Variants in GLIS3 observed in about 807,000 individuals in gnomAD.
GLIS3 encodes GLIS family zinc finger 3.
A neutral mutation model predicts 78.6 loss-of-function variants in GLIS3; 53 were observed. The observed-to-expected ratio is 0.67, with a 90% CI of 0.54 to 0.85. The LOEUF (loss-of-function observed/expected upper bound fraction) is 0.85, where lower values mean the gene tolerates loss of function less well. Ranked by LOEUF, GLIS3 falls within the 40% of genes least tolerant of loss-of-function variation. GLIS3 has a pLI of 0.00. For missense variants in GLIS3, 1,703 were observed against 1,231.1 expected, an observed-to-expected ratio of 1.38 and a Z score of -5.74; for synonymous variants, 684 against 509.9, an observed-to-expected ratio of 1.34 and a Z score of -4.60.
chr9:4,117,886 C>G lies in GLIS3; in HGVS notation c.1592G>C (p.Gly531Ala). 2 of 1,614,138 alleles carry G rather than the reference C, an allele frequency of 1.2e-6. No individual in the cohort carries two copies. Among genetic ancestry groups the G allele is most frequent in the Non-Finnish European group, 1.7e-6 (2 of 1,180,034 alleles). The change falls in exon 4 of 11, where the codon GGG becomes GCG. Residue 531 changes from glycine to alanine, a missense_variant. Transcript: ENST00000381971. ...IEKVHIDQRK[G>A]EDFTCFWAGC... ...GGCCCAGAAGCAAGTGAAGTCCTCC[C>G]CTTTGCGCTGGTCGATGTGGACCTT... is the stretch of plus-strand genomic sequence containing the variant.
chr9:4,153,560 T>C (rs1245737687), intron 2 of GLIS3, among the ~76,000 whole-genome samples: 2 of 152,174 alleles, frequency 1.3e-5, no homozygotes, highest in Non-Finnish European at 2.9e-5. Context: ...TGAGACTCTG[T>C]CTCAAAATAT....
intron 4 of GLIS3, among the ~76,000 whole-genome samples, chr9:4,033,228 C>G (rs764309105): frequency 6.6e-6 from 1 of 151,330 alleles, no homozygotes; most frequent in Non-Finnish European, 1.5e-5. Flanking sequence ...CCACACCTGA[C>G]TTGACCCTTT....
At chr9:4,375,692 G>A in the GLIS3 span, among the ~76,000 whole-genome samples, 16 of 152,288 alleles carry the variant, frequency 1.1e-4, no homozygotes, top group African/African-American at 3.6e-4. Context: ...ATTGTCTAGT[G>A]GCTTTTTAAA....
chr9:4,228,198 C>CAAA lies in GLIS3; in HGVS notation c.388+57837_388+57839dup, dbSNP rs59507597. ...ATTCATAAAGAGAAGTCTAAGGTGG[C>CAAA]AAAAAAAAAAAAAAAAAAAAGAAGA... is the stretch of plus-strand genomic sequence containing the variant. On this transcript the variant is annotated intron_variant, in intron 2 of 10. Transcript: ENST00000381971. 2.0e-3 allele frequency among the ~76,000 whole-genome samples: 216 copies of CAAA among 106,908 alleles called. 3 individuals carry two copies. Among genetic ancestry groups the CAAA allele is most frequent in the African/African-American group, 7.2e-3 (191 of 26,542 alleles). 70.1% of individuals were successfully genotyped at this position (106,908 alleles called of 152,430 possible).
rs148047819 is a variant in GLIS3, at chr9:4,061,794, C to T, written c.1710+55974G>A. On this transcript the variant is annotated intron_variant, in intron 4 of 10. Transcript: ENST00000381971. ...ATATTCTTTCTGCAAGCTTGTACTG[C>T]ACATACTCCCTGAAGAATTATGCAA... Among the ~76,000 whole-genome samples, 813 of 152,290 alleles carry T rather than the reference C, an allele frequency of 5.3e-3. 3 individuals are homozygous for T. Among genetic ancestry groups the T allele is most frequent in the Middle Eastern group, 0.01 (3 of 294 alleles).
the GLIS3 span, among the ~76,000 whole-genome samples, chr9:4,420,500 C>T: frequency 7.9e-5 from 12 of 152,156 alleles, no homozygotes; most frequent in African/African-American, 1.2e-4. Flanking sequence ...CACTTAGTAT[C>T]ACGTTAAGCA....
intron 2 of GLIS3, among the ~76,000 whole-genome samples, chr9:4,315,990 T>C (rs769266615): frequency 2.6e-5 from 4 of 152,220 alleles, no homozygotes; most frequent in Non-Finnish European, 5.9e-5. Flanking sequence ...AGCAGGATAT[T>C]ACATATTGTA....
chr9:4,140,280 C>T (rs1833712161), intron 2 of GLIS3, among the ~76,000 whole-genome samples: 1 of 152,130 alleles, frequency 6.6e-6, no homozygotes, highest in Non-Finnish European at 1.5e-5. Flanking sequence ...GCCAGGATGG[C>T]ACCACGGCAC....
intron 8 of GLIS3, among the ~76,000 whole-genome samples, chr9:3,870,026 TAAGACACGGAAAA>T (rs1397098531): frequency 6.6e-6 from 1 of 152,112 alleles, no homozygotes; most frequent in African/African-American, 2.4e-5. Flanking sequence ...AAGCCTGAAT[TAAGACACGGAAAA>T]AAGGAAACTA....
At chr9:4,277,898 G>C (rs1391038736) in intron 2 of GLIS3, among the ~76,000 whole-genome samples, 2 of 152,032 alleles carry the variant, frequency 1.3e-5, no homozygotes, top group African/African-American at 4.8e-5. Flanking sequence ...AATATAACCG[G>C]GATCCTTCAA....
At chr9:4,003,797 T>A (rs1457909746) in intron 4 of GLIS3, among the ~76,000 whole-genome samples, 1 of 152,224 alleles carries the variant, frequency 6.6e-6, no homozygotes, top group Admixed American at 6.5e-5. Context: ...TAAGTGTCAA[T>A]GAAGACAGAC....
At chr9:4,092,514 A>G (rs1829608100) in intron 4 of GLIS3, among the ~76,000 whole-genome samples, 1 of 152,076 alleles carries the variant, frequency 6.6e-6, no homozygotes, top group African/African-American at 2.4e-5. Flanking sequence ...TTATTTCCTT[A>G]TTGCATAAGC....
At chr9:4,238,104 C>G (rs1276107915) in intron 2 of GLIS3, among the ~76,000 whole-genome samples, 1 of 152,156 alleles carries the variant, frequency 6.6e-6, no homozygotes, top group South Asian at 2.1e-4. Context: ...CAGGAGTAAG[C>G]CTTTAGGACC....
chr9:3,908,790 C>T (rs576049152), intron 6 of GLIS3, among the ~76,000 whole-genome samples: 10 of 133,422 alleles, frequency 7.5e-5, no homozygotes, highest in South Asian at 4.7e-4. Flanking sequence ...ATTTTACTCC[C>T]GTCATTTTCT....
At chr9:4,135,606 T>G (rs537568020) in intron 2 of GLIS3, among the ~76,000 whole-genome samples, 1 of 152,302 alleles carries the variant, frequency 6.6e-6, no homozygotes, top group African/African-American at 2.4e-5. Context: ...ATATACATAT[T>G]CATTCTTATA....
intron 4 of GLIS3, among the ~76,000 whole-genome samples, chr9:4,070,186 T>A (rs1482091205): frequency 1.3e-5 from 2 of 152,178 alleles, no homozygotes; most frequent in Non-Finnish European, 2.9e-5. Flanking sequence ...CTTTATAGAA[T>A]AGTATTTCCG....
chr9:3,849,019 C>T (rs1280725222), intron 9 of GLIS3, among the ~76,000 whole-genome samples: 1 of 152,208 alleles, frequency 6.6e-6, no homozygotes, highest in Non-Finnish European at 1.5e-5. Flanking sequence ...TGCTGCTGCA[C>T]TGATTTCAAA....
At chr9:4,157,971 C>T (rs531272723) in intron 2 of GLIS3, among the ~76,000 whole-genome samples, 23 of 152,274 alleles carry the variant, frequency 1.5e-4, no homozygotes, top group Admixed American at 9.2e-4. Context: ...ATCTTGTTAA[C>T]GGATGTATAT....
intron 7 of GLIS3, among the ~76,000 whole-genome samples, chr9:3,895,482 C>G (rs1822762332): frequency 6.6e-6 from 1 of 152,170 alleles, no homozygotes; most frequent in Non-Finnish European, 1.5e-5. Context: ...CAAGTAAACA[C>G]CTTAATTTTA....
Sources: allele counts gnomAD v4.1 joint callset (sites outside exome capture counted in the v4.1 genomes callset), GRCh38; gene constraint gnomAD v4.1.1; transcripts MANE v1.5; gene names NCBI Gene and HGNC (gene_info 2026-07-23, HGNC 2026-07-21).